The following COPA variants were observed in gnomAD, a reference collection of about 807,000 sequenced individuals.
COPA encodes coatomer subunit alpha.
Under a neutral mutation model 158.7 loss-of-function variants are expected in COPA, and 10 were observed. The observed-to-expected ratio is 0.06, with a 90% confidence interval of 0.04 to 0.11. The LOEUF (loss-of-function observed/expected upper bound fraction) is 0.11. Ranked by LOEUF, COPA falls within the 10% of genes least tolerant of loss-of-function variation. COPA has a pLI of 1.00. For missense variants in COPA, 1,065 were observed against 1,536.7 expected (o/e 0.69, Z 5.13); for synonymous variants, 462 against 542.8 (o/e 0.85, Z 2.07).
At chr1:160,296,225 G>C in intron 21 of COPA, 76 bp from the exon 22 acceptor site, 1 of 1,244,022 alleles carries the variant, frequency 8.0e-7, no homozygotes, top group Non-Finnish European at 1.2e-6. Context: ...CTCTGAAATG[G>C]CCCCCCAGTA....
At chr1:160,322,128 A>C (rs1205721165) in intron 8 of COPA, among the ~76,000 whole-genome samples, 1 of 152,208 alleles carries the variant, frequency 6.6e-6, no homozygotes, top group African/African-American at 2.4e-5. Flanking sequence ...TTTATATGGC[A>C]GCACAAAAGA....
chr1:160,309,193 G>A lies in COPA; in HGVS notation c.1144-17C>T, dbSNP rs759923091. On this transcript the variant is annotated splice_polypyrimidine_tract_variant and intron_variant, in intron 12 of 32. Coordinates refer to ENST00000241704, the MANE Select transcript of COPA (RefSeq NM_004371.4). ...GCTAGCTCTCTGTAGAAGAAAAGGG[G>A]AAATTAAAATGTTAGTGAGAAGCAC... The A allele has an allele frequency of 7.5e-6, 12 of 1,599,490 alleles. No individual in the cohort carries two copies. The highest frequency in any genetic ancestry group is 1.0e-5 in the Non-Finnish European group (12 of 1,167,280).
At chr1:160,338,935 C>T (rs978146820) in intron 3 of COPA, among the ~76,000 whole-genome samples, 8 of 152,188 alleles carry the variant, frequency 5.3e-5, no homozygotes, top group Non-Finnish European at 1.0e-4. Flanking sequence ...ATATTTCTAG[C>T]ACAGACACCT....
chr1:160,300,845 A>G (rs185427403), intron 17 of COPA, among the ~76,000 whole-genome samples: 1 of 152,334 alleles, frequency 6.6e-6, no homozygotes, highest in East Asian at 1.9e-4. Flanking sequence ...TCAGCTGGGC[A>G]CAGTGGCTCA....
At chr1:160,297,898 G>C (rs979093420) in intron 19 of COPA, among the ~76,000 whole-genome samples, 153 bp from the exon 20 acceptor site, 1 of 152,016 alleles carries the variant, frequency 6.6e-6, no homozygotes, top group African/African-American at 2.4e-5. Flanking sequence ...ATTGAAAATC[G>C]GCTGGGTGCG....
At chr1:160,336,845 T>C (rs550687801) in intron 3 of COPA, among the ~76,000 whole-genome samples, 2 of 152,330 alleles carry the variant, frequency 1.3e-5, no homozygotes, top group South Asian at 4.1e-4. Flanking sequence ...AATCCAAAAG[T>C]ATGATCTTCC....
chr1:160,291,607 T>G, intron 30 of COPA, 111 bp from the exon 31 acceptor site: 1 of 1,357,208 alleles, frequency 7.4e-7, no homozygotes, highest in Non-Finnish European at 1.0e-6. Flanking sequence ...GATGATGGGC[T>G]ATAAAGCTGA....
At chr1:160,290,347 C>T in intron 32 of COPA, 131 bp from the exon 33 acceptor site, 2 of 1,370,194 alleles carry the variant, frequency 1.5e-6, no homozygotes, top group South Asian at 1.3e-5. Flanking sequence ...TGGCCAAGAG[C>T]AGTGGGGAGA....
chr1:160,324,174 A>G (rs1047729332), intron 7 of COPA, among the ~76,000 whole-genome samples: 2 of 151,896 alleles, frequency 1.3e-5, no homozygotes, highest in East Asian at 3.9e-4. Context: ...AACTTTTATA[A>G]CTTAATGCAG....
intron 19 of COPA, among the ~76,000 whole-genome samples, chr1:160,297,994 A>G (rs566066422): frequency 3.1e-4 from 47 of 152,214 alleles, no homozygotes; most frequent in Middle Eastern, 3.4e-3. Flanking sequence ...CCTGGCCAAC[A>G]TGGTGAAACC....
intron 8 of COPA, among the ~76,000 whole-genome samples, chr1:160,318,212 T>C (rs1460081682): frequency 3.3e-5 from 5 of 152,100 alleles, no homozygotes; most frequent in Non-Finnish European, 5.9e-5. Flanking sequence ...GAAGTCAAGA[T>C]AACTGATAAG....
intron 6 of COPA, among the ~76,000 whole-genome samples, chr1:160,328,351 G>A (rs1448260828): frequency 6.6e-6 from 1 of 152,224 alleles, no homozygotes; most frequent in Non-Finnish European, 1.5e-5. Flanking sequence ...TTGCATTTGC[G>A]TGTAATGATC....
intron 6 of COPA, among the ~76,000 whole-genome samples, 183 bp downstream of exon 6, chr1:160,332,265 T>C (rs978319747): frequency 6.6e-5 from 10 of 152,244 alleles, no homozygotes; most frequent in African/African-American, 2.2e-4. Flanking sequence ...CCTCTTTTCT[T>C]AGAGAAGACT....
Position 160,313,071 on chromosome 1 carries a change from A to C in COPA, c.925+14T>G, listed in dbSNP as rs1351961537. The C allele has an allele frequency of 1.2e-6, 2 of 1,608,652 alleles. No individual in the cohort carries two copies. Among genetic ancestry groups the C allele is most frequent in the South Asian group, 1.1e-5 (1 of 90,046 alleles). On this transcript the variant is annotated intron_variant, in intron 10 of 32. Transcript: ENST00000241704. ...TGAATTAAGCAAAGAAAAAAGAGAG[A>C]AAATGGCCCTTACCTGCTGCAAAGA...
intron 1 of COPA, among the ~76,000 whole-genome samples, chr1:160,342,232 T>A (rs1648104442): frequency 6.6e-6 from 1 of 152,216 alleles, no homozygotes; most frequent in East Asian, 1.9e-4. Flanking sequence ...TTAGTGGATG[T>A]CTCAGGATTC....
rs1379676315 is a variant in COPA, at chr1:160,296,050, TAAAG to T, written c.2352+7_2352+10del. ...CTGTAATAAGAGACAATTATGTAAA[TAAAG>T]ACTCACTGTCTCCTTCTCTGGGTCA... On this transcript the variant is annotated splice_region_variant and intron_variant, in intron 22 of 32. Transcript: ENST00000241704. 1 of 1,611,024 alleles carries T rather than the reference TAAAG, an allele frequency of 6.2e-7. No individual in the cohort carries two copies. The highest frequency in any genetic ancestry group is 1.1e-5 in the South Asian group (1 of 91,006).
chr1:160,299,495 G>A (rs948718195), intron 17 of COPA, among the ~76,000 whole-genome samples: 4 of 152,190 alleles, frequency 2.6e-5, no homozygotes, highest in African/African-American at 7.2e-5. Context: ...AGTAACAGAT[G>A]TGGCTATAGG....
intron 13 of COPA, among the ~76,000 whole-genome samples, chr1:160,308,418 G>A (rs1658861395): frequency 6.6e-6 from 1 of 152,222 alleles, no homozygotes; most frequent in African/African-American, 2.4e-5. Flanking sequence ...TCTGTTGATG[G>A]GGTCTAAAAT....
intron 1 of COPA, among the ~76,000 whole-genome samples, chr1:160,341,779 A>T (rs1456002000): frequency 6.6e-6 from 1 of 151,396 alleles, no homozygotes; most frequent in Non-Finnish European, 1.5e-5. Flanking sequence ...AACATTTACA[A>T]TTTTTCTTCT....
Sources: gnomAD v4.1 joint callset for allele counts (sites outside exome capture counted in the v4.1 genomes callset) on GRCh38, gnomAD v4.1.1 for gene constraint, MANE v1.5 for transcripts, NCBI Gene and HGNC (gene_info 2026-07-23, HGNC 2026-07-21) for gene names.